The following MYBPC3 variants were observed in gnomAD, a reference collection of about 807,000 sequenced individuals.
MYBPC3 encodes the protein myosin binding protein C3, also known as myosin-binding protein C, cardiac-type.
MYBPC3 carries 108 observed loss-of-function variants against 159.3 expected under a neutral mutation model. The observed-to-expected ratio is 0.68, with a 90% CI of 0.58 to 0.80. The LOEUF (loss-of-function observed/expected upper bound fraction) is 0.80. MYBPC3 is among the 30% of genes least tolerant of loss of function. The pLI, the probability that MYBPC3 is intolerant of heterozygous loss-of-function variation, is 0.00. For synonymous variants in MYBPC3, 730 were observed against 702.0 expected (o/e 1.04, Z -0.63); for missense variants, 1,631 against 1,762.1 (o/e 0.93, Z 1.33).
chr11:47,346,984 C>A lies in MYBPC3; in HGVS notation c.908+43G>T. The A allele has an allele frequency of 1.3e-6, 1 of 771,590 alleles. No individual in the cohort carries two copies. The highest frequency in any genetic ancestry group is 2.4e-5 in the East Asian group (1 of 41,252). The allele number at this position is 771,590 out of a possible 1,614,324, so 47.8% of individuals were successfully genotyped here. A position where few individuals can be genotyped will look rare whatever the true frequency, so the allele number is the denominator to read the frequency against. ...GGGACGGGAATCCCCTCTGCACCCA[C>A]CAGCGCCCTGCCGCCCCCAAACACC... On this transcript the variant is annotated intron_variant, in intron 10 of 34. Transcript: ENST00000545968. This position sits in a 1 kb window ranked among gnomAD's most constrained non-coding sequence, Gnocchi z 5.3.
intron 13 of MYBPC3, 26 bp downstream of exon 13, chr11:47,343,466 G>A: frequency 6.4e-7 from 1 of 1,555,772 alleles, no homozygotes; most frequent in Non-Finnish European, 8.7e-7. Flanking sequence ...CTCCACCCGA[G>A]CCCCCCTCCC....
At position 47,341,124 on chromosome 11, in the gene MYBPC3, T is replaced by C; in HGVS notation, c.1897+14A>G. 3.2e-6 allele frequency: 4 copies of C among 1,245,780 alleles called. No homozygotes were observed. Among genetic ancestry groups the C allele is most frequent in the Non-Finnish European group, 4.5e-6 (4 of 895,570 alleles). 77.2% of individuals were successfully genotyped at this position (1,245,780 alleles called of 1,614,324 possible). ...CCCACTGCCCCGACCCACCCTACCC[T>C]GGAGCAGGCTCACCCATGAAGTGGA... On this transcript the variant is annotated intron_variant, in intron 19 of 34. Transcript: ENST00000545968.
chr11:47,349,977 T>C (rs1173345283), intron 4 of MYBPC3, 37 bp downstream of exon 4: 1 of 1,562,386 alleles, frequency 6.4e-7, no homozygotes, highest in Non-Finnish European at 8.7e-7. Context: ...TGCCCCCCCT[T>C]CCCACCCCAA....
At chr11:47,342,794 C>T (rs753941586) in intron 16 of MYBPC3, 36 bp downstream of exon 16, 8 of 1,611,818 alleles carry the variant, frequency 5.0e-6, no homozygotes, top group African/African-American at 1.3e-5. Flanking sequence ...TGGGCAGATG[C>T]CCCCAACACC....
chr11:47,349,778 C>A lies in MYBPC3; in HGVS notation c.650G>T (p.Ser217Ile). 1 of 1,604,704 alleles carries A rather than the reference C, an allele frequency of 6.2e-7. No individual in the cohort carries two copies. Among genetic ancestry groups the A allele is most frequent in the Non-Finnish European group, 8.5e-7 (1 of 1,179,558 alleles). ...CCACGACCCCGGTGGACCCACCTTG[C>A]TGGCGCGGTCGTAGCTGTCGTGCAG... ...LQLHDSYDRA[S>I]KVYLFELHIT... The change falls in exon 5 of 35, where the codon AGC becomes ATC. Residue 217 changes from serine to isoleucine, a missense_variant. Coordinates refer to ENST00000545968, the MANE Select transcript of MYBPC3 (RefSeq NM_000256.3).
At position 47,332,871 on chromosome 11, in the gene MYBPC3, C is replaced by T. The variant is rs747606711; in HGVS notation, c.3433G>A (p.Val1145Ile). Residue 1145 changes from valine to isoleucine, a missense_variant, in exon 31 of 35, where the codon GTT becomes ATT. Transcript: ENST00000545968. The surrounding 1 kb of genome is among the most constrained non-coding windows in gnomAD (Gnocchi z 4.2). ...GTGGCCGCTCTGTCACTAAAGCCAA[C>T]CATATTCTGGCTGAAGACGCGGAAG... ...YYFRVFSQNM[V>I]GFSDRAATTK... 2 of 1,607,844 alleles carry T rather than the reference C, an allele frequency of 1.2e-6. No individual in the cohort carries two copies. Among genetic ancestry groups the T allele is most frequent in the South Asian group, 1.1e-5 (1 of 89,680 alleles).
intron 6 of MYBPC3, 26 bp downstream of exon 6, chr11:47,348,398 C>T (rs763249768): frequency 3.0e-5 from 47 of 1,560,526 alleles, no homozygotes; most frequent in East Asian, 9.1e-5. Flanking sequence ...AGCCCGAGCC[C>T]AGGACAGACA....
intron 5 of MYBPC3, 51 bp from the exon 6 acceptor site, chr11:47,348,592 A>G (rs2095896979): frequency 7.0e-7 from 1 of 1,436,256 alleles, no homozygotes; most frequent in Non-Finnish European, 9.6e-7. Flanking sequence ...GCCGGGAGAC[A>G]AGGCTCCGCA....
Position 47,343,556 on chromosome 11 carries a change from G to A in MYBPC3, c.1159C>T (p.Leu387=). Residue 387 remains leucine (L), a synonymous_variant, in exon 13 of 35, where the codon CTG becomes TTG. Coordinates refer to ENST00000545968, the MANE Select transcript of MYBPC3 (RefSeq NM_000256.3). ...KGHKIRLTVE[L]ADHDAEVKWL... ...TTGACCTCAGCGTCATGGTCAGCCA[G>A]TTCCACGGTCAGCCGGATCTTGTGG... 6.2e-7 allele frequency: 1 copy of A among 1,610,706 alleles called. No homozygotes were observed. Among genetic ancestry groups the A allele is most frequent in the Non-Finnish European group, 8.5e-7 (1 of 1,178,514 alleles).
At chr11:47,334,994 C>T (rs2095880810) in intron 27 of MYBPC3, 48 bp downstream of exon 27, 3 of 1,457,062 alleles carry the variant, frequency 2.1e-6, no homozygotes, top group Non-Finnish European at 2.7e-6. Flanking sequence ...ACACCAAGGG[C>T]CTGGGGTGTC....
At chr11:47,342,520 G>T in intron 17 of MYBPC3, 58 bp downstream of exon 17, 1 of 1,467,754 alleles carries the variant, frequency 6.8e-7, no homozygotes, top group South Asian at 1.4e-5. Context: ...GGCTAGGTGG[G>T]GTGGGGGCTG....
chr11:47,335,211 T>C lies in MYBPC3; in HGVS notation c.2738-2A>G. ...GCAGGGCAGCCACCCACTCTGAGCC[T>C]GGGGGTGGGGAGGGGGAGGCAAGGC... On this transcript the variant is annotated splice_acceptor_variant, in intron 26 of 34. Coordinates refer to ENST00000545968, the MANE Select transcript of MYBPC3 (RefSeq NM_000256.3). LOFTEE classifies it high-confidence loss of function. 1 of 1,581,094 alleles carries C rather than the reference T, an allele frequency of 6.3e-7. No individual in the cohort carries two copies. The highest frequency in any genetic ancestry group is 8.6e-7 in the Non-Finnish European group (1 of 1,161,142).
At position 47,342,624 on chromosome 11, in the gene MYBPC3, T is replaced by C. The variant is rs766721220; in HGVS notation, c.1578A>G (p.Ala526=). ...EAMLEDAGHY[A]LCTSGGQALA... Reference sequence around the variant, plus strand: ...GCGCCTGGCCCCCGCTAGTGCACAGTGCATAGTGCCCCGCGTCCTCCAGCA... The same window carrying C: ...GCGCCTGGCCCCCGCTAGTGCACAGCGCATAGTGCCCCGCGTCCTCCAGCA... The change falls in exon 17 of 35, where the codon GCA becomes GCG. Residue 526 remains alanine, a synonymous_variant. Transcript: ENST00000545968. 6.2e-7 allele frequency: 1 copy of C among 1,613,888 alleles called. No homozygotes were observed. The highest frequency in any genetic ancestry group is 1.1e-5 in the South Asian group (1 of 91,080).
At chr11:47,335,231 C>A (rs757050737) in intron 26 of MYBPC3, 22 bp from the exon 27 acceptor site, 2 of 1,568,802 alleles carry the variant, frequency 1.3e-6, no homozygotes, top group Admixed American at 1.8e-5. Context: ...GAGGGGGAGG[C>A]AAGGCCACAG....
At chr11:47,345,293 C>T (rs961690242) in intron 12 of MYBPC3, among the ~76,000 whole-genome samples, 16 of 152,234 alleles carry the variant, frequency 1.1e-4, no homozygotes, top group African/African-American at 3.1e-4. Flanking sequence ...AATGGGGCCA[C>T]GGTGCCGGTA....
rs897782870 is a variant in MYBPC3 at position 47,346,554 on chromosome 11, G to C, written c.926+73C>G. ...GACTGGGGGCCAAGGGAGCTGAAGA[G>C]GGGCTGGGGATCTGGAGGGGCTCCT... On this transcript the variant is annotated intron_variant, in intron 11 of 34. Transcript: ENST00000545968. The surrounding 1 kb of genome is among the most constrained non-coding windows in gnomAD (Gnocchi z 5.3). 25 of 1,517,474 alleles carry C rather than the reference G, an allele frequency of 1.6e-5. No homozygotes were observed. Among genetic ancestry groups the C allele is most frequent in the Non-Finnish European group, 2.0e-5 (23 of 1,124,540 alleles). 94.0% of individuals were successfully genotyped at this position (1,517,474 alleles called of 1,614,324 possible). A position where few individuals can be genotyped will look rare whatever the true frequency, so the allele number is the denominator to read the frequency against.
At chr11:47,336,180 T>C (rs2095882093) in intron 25 of MYBPC3, among the ~76,000 whole-genome samples, 169 bp from the exon 26 acceptor site, 1 of 152,116 alleles carries the variant, frequency 6.6e-6, no homozygotes, top group East Asian at 1.9e-4. Context: ...TGTCTGTAGA[T>C]TGGCTTAAAA....
chr11:47,346,320 C>A lies in MYBPC3; in HGVS notation c.977G>T (p.Arg326Leu). Residue 326 changes from arginine (R) to leucine (L), a missense_variant, in exon 12 of 35, where the codon CGG (arginine) becomes CTG (leucine). Arg to Leu is a moderately radical substitution (Grantham distance 102, BLOSUM62 -2). Coordinates refer to ENST00000545968, the MANE Select transcript of MYBPC3 (RefSeq NM_000256.3). This position sits in a 1 kb window ranked among gnomAD's most constrained non-coding sequence, Gnocchi z 5.3. Reference protein sequence around the residue: ...PAEEDVWEILRQAPPSEYERI... With the variant: ...PAEEDVWEILLQAPPSEYERI... Reference sequence around the variant, plus strand: ...CTCGTACTCAGATGGGGGTGCCTGCCGTAGGATCTCCCACACGTCCTCCTC... The same window carrying A: ...CTCGTACTCAGATGGGGGTGCCTGCAGTAGGATCTCCCACACGTCCTCCTC... The A allele has an allele frequency of 6.2e-7, 1 of 1,611,646 alleles. No homozygotes were observed. Among genetic ancestry groups the A allele is most frequent in the Admixed American group, 1.7e-5 (1 of 59,678 alleles).
intron 12 of MYBPC3, among the ~76,000 whole-genome samples, chr11:47,343,836 T>A (rs2095891780): frequency 6.6e-6 from 1 of 152,256 alleles, no homozygotes; most frequent in South Asian, 2.1e-4. Context: ...TTGGCCAGGC[T>A]GGAGTGCAAT....
Sources: gnomAD v4.1 joint callset for allele counts (sites outside exome capture counted in the v4.1 genomes callset) on GRCh38, gnomAD v4.1.1 for gene constraint, Gnocchi (gnomAD v3.1) non-coding constraint, MANE v1.5 for transcripts, NCBI Gene and HGNC (gene_info 2026-07-23, HGNC 2026-07-21) for gene names.